FLT1: variants seen among roughly 807,000 people sequenced by gnomAD.
The protein encoded by FLT1 is fms related receptor tyrosine kinase 1.
A neutral mutation model predicts 156.3 loss-of-function variants in FLT1; 49 were observed. That is an observed-to-expected ratio of 0.31 (90% CI 0.25 to 0.40). FLT1 has a LOEUF of 0.40. Ranked by LOEUF, FLT1 falls within the 10% of genes least tolerant of loss-of-function variation. FLT1 has a pLI of 1.00. For synonymous variants in FLT1, 594 were observed against 583.8 expected (o/e 1.02, Z -0.25); for missense variants, 1,322 against 1,637.2 (o/e 0.81, Z 3.32).
Position 28,348,490 on chromosome 13 carries a change from T to G in FLT1, c.2249-2939A>C, listed in dbSNP as rs536723419. On this transcript the variant is annotated intron_variant, in intron 15 of 29. Coordinates refer to ENST00000282397, the MANE Select transcript of FLT1 (RefSeq NM_002019.4). ...TCCATGCTTTGGCTTTTGCTATTTC[T>G]CTGCCAAAATGTGTGCTTCCTGATG... 2.0e-5 allele frequency among the ~76,000 whole-genome samples: 3 copies of G among 152,338 alleles called. No homozygotes were observed. The South Asian group carries it at 6.2e-4, about 32-fold the overall frequency.
At position 28,386,231 on chromosome 13, in the gene FLT1, C is replaced by T. The variant is rs755342782; in HGVS notation, c.1970-1200G>A. 4.8e-4 allele frequency: 510 copies of T among 1,052,944 alleles called. 1 individual carries two copies. Among genetic ancestry groups the T allele is most frequent in the Non-Finnish European group, 5.6e-4 (489 of 871,494 alleles). 65.2% of individuals were successfully genotyped at this position (1,052,944 alleles called of 1,614,324 possible). On this transcript the variant is annotated intron_variant, in intron 13 of 29. Transcript: ENST00000282397. ...TGTCCCTGCAGGGTTCTGCCACGTCCCAAAACCTTTCCCTTTTGAGTCCTG... is the reference window on the plus strand; with the variant it reads ...TGTCCCTGCAGGGTTCTGCCACGTCTCAAAACCTTTCCCTTTTGAGTCCTG...
chr13:28,320,031 A>G (rs1871378065), intron 23 of FLT1, among the ~76,000 whole-genome samples: 1 of 152,232 alleles, frequency 6.6e-6, no homozygotes. Context: ...AGAAGGAAAG[A>G]AGTCAGTGTT....
chr13:28,357,613 T>C lies in FLT1; in HGVS notation c.2189A>G (p.His730Arg), dbSNP rs376925820. ...RVTEEDEGVY[H>R]CKATNQKGSV... ...GCCCTTCTGGTTGGTGGCTTTGCAG[T>C]GATAGACACCTTCATCCTCTTCTGT... Residue 730 changes from histidine (H) to arginine (R), a missense_variant, in exon 15 of 30, where the codon CAC (histidine) becomes CGC (arginine). Around this residue, in one of 3 missense-constraint regions of FLT1, gnomAD observed 991 missense variants for 1,254.8 expected, o/e 0.79. Transcript: ENST00000282397. The C allele has an allele frequency of 3.1e-6, 5 of 1,613,468 alleles. No homozygotes were observed. Among genetic ancestry groups the C allele is most frequent in the Non-Finnish European group, 3.4e-6 (4 of 1,179,378 alleles).
chr13:28,418,336 C>T (rs763233525), intron 10 of FLT1, among the ~76,000 whole-genome samples: 1 of 152,178 alleles, frequency 6.6e-6, no homozygotes, highest in Non-Finnish European at 1.5e-5. Flanking sequence ...ATTTGCTGCT[C>T]GTCTTTTTCT....
chr13:28,421,286 A>G (rs1212230925), intron 10 of FLT1, among the ~76,000 whole-genome samples: 1 of 152,100 alleles, frequency 6.6e-6, no homozygotes, highest in Non-Finnish European at 1.5e-5. Flanking sequence ...AAAACCCCCC[A>G]TTTTATCTAA....
rs778717742 is a variant in FLT1 at position 28,345,431 on chromosome 13, A to G, written c.2355+14T>C. The G allele has an allele frequency of 5.4e-6, 8 of 1,468,900 alleles. No individual in the cohort carries two copies. Among genetic ancestry groups the G allele is most frequent in the Non-Finnish European group, 7.6e-6 (8 of 1,050,672 alleles). 91.0% of individuals were successfully genotyped at this position (1,468,900 alleles called of 1,614,324 possible). Reference sequence around the variant, plus strand: ...TATGTAAAAAGGAGCATAGAACATCACCTATGTTCTTACCCTTTTCATTTT... The same window carrying G: ...TATGTAAAAAGGAGCATAGAACATCGCCTATGTTCTTACCCTTTTCATTTT... On this transcript the variant is annotated intron_variant, in intron 16 of 29. Transcript: ENST00000282397.
chr13:28,427,861 C>T lies in FLT1; in HGVS notation c.1167G>A (p.Ser389=), dbSNP rs145411874. 2.2e-5 allele frequency: 36 copies of T among 1,613,862 alleles called. No homozygotes were observed. In the African/African-American group the frequency reaches 3.2e-4, roughly 14 times the overall value. The change falls in exon 9 of 30, where the codon TCG becomes TCA. Residue 389 remains serine (S), a synonymous_variant. Coordinates refer to ENST00000282397, the MANE Select transcript of FLT1 (RefSeq NM_002019.4). ...KSARYLTRGY[S]LIIKDVTEED... Reference sequence around the variant, plus strand: ...CTTCAGTTACGTCCTTGATAATTAACGAGTAGCCACGAGTCAAATAGCGAG... The same window carrying T: ...CTTCAGTTACGTCCTTGATAATTAATGAGTAGCCACGAGTCAAATAGCGAG...
chr13:28,303,097 C>G lies in FLT1; in HGVS notation c.*70G>C. On this transcript the variant is annotated 3_prime_UTR_variant, in exon 30 of 30. Transcript: ENST00000282397. Reference sequence around the variant, plus strand: ...GGTGTAAACTTATATATGCATAATACTGGCAAAAGCTAGTTTCCTGGGGGT... The same window carrying G: ...GGTGTAAACTTATATATGCATAATAGTGGCAAAAGCTAGTTTCCTGGGGGT... The G allele has an allele frequency of 7.1e-7, 1 of 1,414,618 alleles. No individual in the cohort carries two copies. Among genetic ancestry groups the G allele is most frequent in the Non-Finnish European group, 9.9e-7 (1 of 1,012,454 alleles). The allele number at this position is 1,414,618 out of a possible 1,614,324, so 87.6% of individuals were successfully genotyped here. A position where few individuals can be genotyped will look rare whatever the true frequency, so the allele number is the denominator to read the frequency against.
chr13:28,413,698 G>A (rs767755583), intron 10 of FLT1, among the ~76,000 whole-genome samples: 38 of 152,154 alleles, frequency 2.5e-4, no homozygotes, highest in Non-Finnish European at 1.2e-4. Flanking sequence ...ACTCAGTGGA[G>A]AATATTTTAA....
chr13:28,344,792 CTTTTT>C (rs869199622), intron 16 of FLT1, among the ~76,000 whole-genome samples: 36 of 41,402 alleles, frequency 8.7e-4, no homozygotes, highest in African/African-American at 3.2e-3. Flanking sequence ...GGGGCCTTTA[CTTTTT>C]TTTTTTTTTT....
At chr13:28,447,378 G>T (rs528924393) in intron 3 of FLT1, among the ~76,000 whole-genome samples, 1 of 151,548 alleles carries the variant, frequency 6.6e-6, no homozygotes, top group East Asian at 1.9e-4. Flanking sequence ...TAGAGATAAG[G>T]GTTTCACTAT....
At chr13:28,412,406 T>TTCCTTCTTTCTTTCTTTCTTTCTG (rs1876346488) in intron 10 of FLT1, among the ~76,000 whole-genome samples, 1 of 149,106 alleles carries the variant, frequency 6.7e-6, no homozygotes, top group African/African-American at 2.5e-5. Context: ...CTTTCTTTCT[T>TTCCTTCTTTCTTTCTTTCTTTCTG]TCTTCTCTTT....
At chr13:28,369,916 T>G (rs1225287546) in intron 14 of FLT1, among the ~76,000 whole-genome samples, 1 of 151,956 alleles carries the variant, frequency 6.6e-6, no homozygotes, top group African/African-American at 2.4e-5. Context: ...AAATGCCATA[T>G]AGGCCGGGTG....
At chr13:28,399,878 A>G (rs1255787434) in intron 11 of FLT1, among the ~76,000 whole-genome samples, 2 of 152,198 alleles carry the variant, frequency 1.3e-5, no homozygotes, top group Non-Finnish European at 2.9e-5. Context: ...ATGCCTTACA[A>G]TGCACCAGGC....
At chr13:28,487,523 A>C (rs1264858789) in intron 1 of FLT1, among the ~76,000 whole-genome samples, 4 of 152,256 alleles carry the variant, frequency 2.6e-5, no homozygotes, top group African/African-American at 9.6e-5. Flanking sequence ...ATAGAAGACC[A>C]GGCTGAGAAA....
chr13:28,316,590 T>A (rs950886637), intron 25 of FLT1, among the ~76,000 whole-genome samples: 3 of 151,556 alleles, frequency 2.0e-5, no homozygotes, highest in Non-Finnish European at 4.4e-5. Flanking sequence ...CGAAAAGCCA[T>A]CTGACCAGGC....
intron 3 of FLT1, among the ~76,000 whole-genome samples, chr13:28,444,315 C>T (rs1312597979): frequency 7.2e-5 from 11 of 152,076 alleles, no homozygotes; most frequent in Non-Finnish European, 1.5e-5. Flanking sequence ...GTGATGCACG[C>T]CTGAAGTCTC....
intron 3 of FLT1, among the ~76,000 whole-genome samples, chr13:28,457,476 G>T (rs1021877924): frequency 1.3e-5 from 2 of 152,164 alleles, no homozygotes; most frequent in Non-Finnish European, 2.9e-5. Flanking sequence ...GAAGGGAGGG[G>T]TGTTTACTGC....
At chr13:28,472,128 A>G (rs1157336889) in intron 1 of FLT1, among the ~76,000 whole-genome samples, 1 of 152,210 alleles carries the variant, frequency 6.6e-6, no homozygotes, top group Non-Finnish European at 1.5e-5. Context: ...ACTCTTTGAC[A>G]CAAATCCCTT....
Sources: allele counts gnomAD v4.1 joint callset (sites outside exome capture counted in the v4.1 genomes callset), GRCh38; gene constraint gnomAD v4.1.1; regional missense constraint gnomAD v4.1.1; transcripts MANE v1.5; gene names NCBI Gene and HGNC (gene_info 2026-07-23, HGNC 2026-07-21).